The following TSKS variants were observed in gnomAD, a reference collection of about 807,000 sequenced individuals.
TSKS encodes the protein testis-specific serine kinase substrate.
A neutral mutation model predicts 68.0 loss-of-function variants in TSKS; 27 were observed. The ratio of observed to expected loss-of-function variants is 0.40; its 90% CI spans 0.29 to 0.55. The LOEUF (loss-of-function observed/expected upper bound fraction) is 0.55. Ranked by LOEUF, TSKS falls within the 20% of genes least tolerant of loss-of-function variation. The pLI, the probability that TSKS is intolerant of heterozygous loss-of-function variation, is 0.53. For synonymous variants in TSKS, 331 were observed against 340.4 expected, an observed-to-expected ratio of 0.97 and a Z score of 0.30; for missense variants, 806 against 776.0, an observed-to-expected ratio of 1.04 and a Z score of -0.46.
intron 6 of TSKS, among the ~76,000 whole-genome samples, chr19:49,746,058 C>A (rs2084296403): frequency 6.6e-6 from 1 of 152,190 alleles, no homozygotes; most frequent in African/African-American, 2.4e-5. Context: ...TGGCGGGCGC[C>A]TGTAGTCCCA....
intron 3 of TSKS, 65 bp from the exon 4 acceptor site, chr19:49,748,233 C>T: frequency 6.3e-7 from 1 of 1,591,110 alleles, no homozygotes; most frequent in Non-Finnish European, 8.6e-7. Flanking sequence ...AAAAGAAGAT[C>T]TGGGCCTGGG....
chr19:49,747,603 T>G, intron 4 of TSKS, 131 bp from the exon 5 acceptor site: 2 of 883,668 alleles, frequency 2.3e-6, no homozygotes, highest in Non-Finnish European at 3.6e-6. Context: ...ACCAGCTCAT[T>G]TCCTTGGCTA....
At chr19:49,745,180 A>C in intron 7 of TSKS, 22 bp downstream of exon 7, 1 of 1,555,326 alleles carries the variant, frequency 6.4e-7, no homozygotes, top group Non-Finnish European at 8.7e-7. Flanking sequence ...CGGTCTTCCC[A>C]TGCACTGGCC....
rs2084318030 is a variant in TSKS at position 49,748,112 on chromosome 19, C to T, written c.552G>A (p.Glu184=). Residue 184 remains glutamate, a synonymous_variant, in exon 4 of 11, where the codon GAG becomes GAA. Transcript: ENST00000246801. ...TGAGTTGAATGCAGTACCCCTCCAA[C>T]TCTTCTGCCTCTTGCCGCCTTCTCT... is the stretch of plus-strand genomic sequence containing the variant. The part of the protein sequence containing the change: ...NLERRRQEAE[E]LEGYCIQLKE... 1.2e-6 allele frequency: 2 copies of T among 1,614,214 alleles called. No individual in the cohort carries two copies. Among genetic ancestry groups the T allele is most frequent in the Non-Finnish European group, 8.5e-7 (1 of 1,180,038 alleles).
At position 49,746,546 on chromosome 19, in the gene TSKS, C is replaced by T; in HGVS notation, c.916G>A (p.Gly306Arg). Residue 306 changes from glycine (G) to arginine (R), a missense_variant, in exon 6 of 11, where the codon GGG becomes AGG. Physicochemically the swap from Gly to Arg is moderately radical, Grantham distance 125 (BLOSUM62 -2). Transcript: ENST00000246801. Reference sequence around the variant, plus strand: ...TAGGGGCCCTCGCCAGCCCGAGGCCCCATTCCCCAGCCTGCGGGGACCAGG... The same window carrying T: ...TAGGGGCCCTCGCCAGCCCGAGGCCTCATTCCCCAGCCTGCGGGGACCAGG... ...HGLVPAGWGM[G>R]PRAGEGPYVS... The T allele has an allele frequency of 6.2e-7, 1 of 1,613,634 alleles. No homozygotes were observed. Among genetic ancestry groups the T allele is most frequent in the Non-Finnish European group, 8.5e-7 (1 of 1,179,892 alleles).
intron 8 of TSKS, among the ~76,000 whole-genome samples, chr19:49,742,418 G>C (rs1204774875): frequency 1.3e-5 from 2 of 150,352 alleles, no homozygotes; most frequent in Non-Finnish European, 3.0e-5. Context: ...GGATGGTCTT[G>C]ATCTCCTGAC....
chr19:49,744,181 CT>C, intron 8 of TSKS, 49 bp downstream of exon 8: 1 of 1,581,808 alleles, frequency 6.3e-7, no homozygotes, highest in South Asian at 1.1e-5. Flanking sequence ...TCCGCATCTC[CT>C]TTAATGTCCT....
At chr19:49,746,912 G>T in intron 5 of TSKS, 114 bp from the exon 6 acceptor site, 1 of 1,507,696 alleles carries the variant, frequency 6.6e-7, no homozygotes, top group Non-Finnish European at 8.8e-7. Flanking sequence ...ACGCCTGTGG[G>T]GACAGTATGT....
chr19:49,747,747 C>T (rs1186408387), intron 4 of TSKS, among the ~76,000 whole-genome samples: 2 of 152,142 alleles, frequency 1.3e-5, no homozygotes, highest in African/African-American at 4.8e-5. Context: ...CTCGCTCTGT[C>T]GGCCAGGCTG....
intron 2 of TSKS, among the ~76,000 whole-genome samples, chr19:49,761,714 A>C (rs998130577): frequency 2.0e-5 from 3 of 152,132 alleles, no homozygotes; most frequent in African/African-American, 7.2e-5. Flanking sequence ...CTGTAATCCC[A>C]GCACTGTGGG....
intron 2 of TSKS, among the ~76,000 whole-genome samples, chr19:49,756,261 C>T (rs1203714898): frequency 6.6e-6 from 1 of 151,922 alleles, no homozygotes; most frequent in Non-Finnish European, 1.5e-5. Context: ...AATTCTAGAC[C>T]AGCCAGGTCA....
At position 49,747,497 on chromosome 19, in the gene TSKS, C is replaced by T. The variant is rs367569371; in HGVS notation, c.580-25G>A. On this transcript the variant is annotated intron_variant, in intron 4 of 10. Transcript: ENST00000246801. Reference sequence around the variant, plus strand: ...CCTGGGTCAGACACCAGGGCGAGGGCCCTGCCTTCCCATTCCAGTTCTGCC... The same window carrying T: ...CCTGGGTCAGACACCAGGGCGAGGGTCCTGCCTTCCCATTCCAGTTCTGCC... The T allele has an allele frequency of 8.7e-6, 14 of 1,612,352 alleles. No homozygotes were observed. The African/African-American group carries it at 1.9e-4, about 22-fold the overall frequency.
Position 49,763,098 on chromosome 19 carries a change from C to G in TSKS, c.150G>C (p.Lys50Asn). ...CCCACCCGTGGAACGACACGGCCTT[C>G]TTTTTCTTCGGGATCCCCTTGGCCC... ...TSRAKGIPKK[K>N]KAVSFHGVEP... is the part of the protein sequence containing the mutation. The change falls in exon 1 of 11, where the codon AAG becomes AAC. Residue 50 changes from lysine (K) to asparagine (N), a missense_variant. Transcript: ENST00000246801. The surrounding 1 kb of genome is among the most constrained non-coding windows in gnomAD (Gnocchi z 4.5). The G allele has an allele frequency of 6.2e-7, 1 of 1,612,466 alleles. No individual in the cohort carries two copies. The highest frequency in any genetic ancestry group is 8.5e-7 in the Non-Finnish European group (1 of 1,179,216).
intron 2 of TSKS, among the ~76,000 whole-genome samples, chr19:49,751,119 C>T (rs1030524336): frequency 3.2e-4 from 49 of 151,926 alleles, no homozygotes; most frequent in Admixed American, 2.9e-3. Flanking sequence ...GCCTGACCAA[C>T]GTGGTGGAGC....
intron 4 of TSKS, 113 bp from the exon 5 acceptor site, chr19:49,747,585 A>T: frequency 9.7e-7 from 1 of 1,028,614 alleles, no homozygotes; most frequent in East Asian, 2.4e-5. Flanking sequence ...CCAGTACAAG[A>T]CACACTCACC....
Position 49,739,915 on chromosome 19 carries a change from A to C in TSKS, c.1640T>G (p.Leu547Arg). Residue 547 changes from leucine to arginine, a missense_variant, in exon 11 of 11, where the codon CTG becomes CGG. Leu to Arg is a moderately radical substitution (Grantham distance 102). Transcript: ENST00000246801. ...KMKPEEKMATLDHLHLKMCSL... is the reference protein window; with the variant it reads ...KMKPEEKMATRDHLHLKMCSL... ...GCACATCTTCAAGTGTAGATGGTCC[A>C]GAGTGGCCATCTTCTCCCTGTCATG... The C allele has an allele frequency of 6.2e-7, 1 of 1,612,006 alleles. No homozygotes were observed. The highest frequency in any genetic ancestry group is 8.5e-7 in the Non-Finnish European group (1 of 1,178,652).
rs539741523 is a variant in TSKS at position 49,742,982 on chromosome 19, G to T, written c.1362-962C>A. Among the ~76,000 whole-genome samples the T allele has an allele frequency of 5.3e-5, 8 of 152,082 alleles. No homozygotes were observed. The South Asian group carries it at 1.4e-3, about 28-fold the overall frequency. On this transcript the variant is annotated intron_variant, in intron 8 of 10. Transcript: ENST00000246801. ...CCCTCGGCTCTCACAATACACCAAG[G>T]TCTCACTTCCCCCTCAGTGCACTGA... is the stretch of plus-strand genomic sequence containing the variant.
At chr19:49,740,686 C>G (rs937857620) in intron 9 of TSKS, among the ~76,000 whole-genome samples, 1 of 148,420 alleles carries the variant, frequency 6.7e-6, no homozygotes, top group Non-Finnish European at 1.5e-5. Flanking sequence ...GAGTTCGAGA[C>G]CAGCCTGGCC....
intron 5 of TSKS, chr19:49,747,128 A>G (rs1478139990): frequency 6.5e-7 from 1 of 1,528,544 alleles, no homozygotes; most frequent in South Asian, 1.2e-5. Context: ...GGGCATGTGG[A>G]CAGGACGGGC....
Sources: allele counts gnomAD v4.1 joint callset (sites outside exome capture counted in the v4.1 genomes callset), GRCh38; gene constraint gnomAD v4.1.1; non-coding constraint Gnocchi (gnomAD v3.1); transcripts MANE v1.5; gene names NCBI Gene and HGNC (gene_info 2026-07-23, HGNC 2026-07-21).